Variants in NT5DC3 observed in about 807,000 individuals in gnomAD.
The protein encoded by NT5DC3 is 5'-nucleotidase domain-containing protein 3.
NT5DC3 carries 42 observed loss-of-function variants against 67.8 expected under a neutral mutation model. That is an observed-to-expected ratio of 0.62 (90% CI 0.48 to 0.80). The LOEUF is 0.80. Among genes scored for constraint, NT5DC3 ranks in the 30% least tolerant of loss-of-function variants. The pLI is 0.00. For synonymous variants in NT5DC3, 237 were observed against 255.6 expected (o/e 0.93, Z 0.69); for missense variants, 570 against 696.4 (o/e 0.82, Z 2.04).
At chr12:103,782,958 C>G (rs1885619750) in intron 12 of NT5DC3, among the ~76,000 whole-genome samples, 2 of 152,164 alleles carry the variant, frequency 1.3e-5, no homozygotes, top group African/African-American at 4.8e-5. Flanking sequence ...TGCACTCCAG[C>G]CTGGGCGACA....
chr12:103,823,822 C>A (rs17034637), intron 1 of NT5DC3, among the ~76,000 whole-genome samples: 15,424 of 152,226 alleles, frequency 0.1, 1,120 homozygotes, highest in East Asian at 0.29. Context: ...TACAGGTGAA[C>A]TCAAGGTCCT....
chr12:103,751,848 A>C, the NT5DC3 span, among the ~76,000 whole-genome samples: 1 of 152,226 alleles, frequency 6.6e-6, no homozygotes, highest in East Asian at 1.9e-4. Flanking sequence ...TGGCAGTGAT[A>C]CTAAGTGACT....
the NT5DC3 span, among the ~76,000 whole-genome samples, chr12:103,765,250 T>C: frequency 6.3e-3 from 956 of 152,312 alleles, 13 homozygotes; most frequent in African/African-American, 0.022. Context: ...TGTCCCCTTC[T>C]GAGGGCTCTA....
chr12:103,785,409 T>C lies in NT5DC3; in HGVS notation c.1255A>G (p.Ile419Val), dbSNP rs768470733. 17 of 1,613,978 alleles carry C rather than the reference T, an allele frequency of 1.1e-5. No individual in the cohort carries two copies. The highest frequency in any genetic ancestry group is 6.7e-5 in the Admixed American group (4 of 59,998). ...TGAATGTATTGCTCCGTGTTCATGA[T>C]TTTGAGCTCAGATCTCAACTCTGGG... ...IIPELRSELK[I>V]MNTEQYIQTM... Residue 419 changes from isoleucine (I) to valine (V), a missense_variant, in exon 12 of 14, where the codon ATC (isoleucine) becomes GTC (valine). By Grantham distance (29) the Ile-to-Val change is conservative. Around this residue, in one of 2 missense-constraint regions of NT5DC3, gnomAD observed 466 missense variants for 608.0 expected, o/e 0.77. Transcript: ENST00000392876.
At chr12:103,786,682 T>TC in intron 11 of NT5DC3, among the ~76,000 whole-genome samples, 1 of 50,944 alleles carries the variant, frequency 2.0e-5, no homozygotes, top group Non-Finnish European at 3.5e-5. Flanking sequence ...ACTGGTTTGA[T>TC]TTTTTTTTTT....
Position 103,774,035 on chromosome 12 carries a change from G to A in NT5DC3, c.*3794C>T, listed in dbSNP as rs931483167. 4 of 152,214 alleles carry A rather than the reference G, an allele frequency of 2.6e-5. No individual in the cohort carries two copies. The highest frequency in any genetic ancestry group is 7.2e-5 in the African/African-American group (3 of 41,438). The allele number at this position is 152,214 out of a possible 1,614,324, so 9.4% of individuals were successfully genotyped here. On this transcript the variant is annotated 3_prime_UTR_variant, in exon 14 of 14. Transcript: ENST00000392876. ...GCACTATGTTAGGGGGAAAGTGGGA[G>A]CTCTAAGCCAAACAACTAAAGTATT...
chr12:103,793,360 G>T, intron 8 of NT5DC3, 50 bp downstream of exon 8: 1 of 1,560,300 alleles, frequency 6.4e-7, no homozygotes, highest in Non-Finnish European at 8.8e-7. Flanking sequence ...AAAACAAATG[G>T]GATACAAGGA....
At position 103,780,309 on chromosome 12, in the gene NT5DC3, T is replaced by C; in HGVS notation, c.1385A>G (p.Lys462Arg). 1.2e-6 allele frequency: 2 copies of C among 1,613,722 alleles called. No individual in the cohort carries two copies. The highest frequency in any genetic ancestry group is 1.7e-4 in the Middle Eastern group (1 of 6,060). ...LVLQEWKKER[K>R]EMREMTKSFF... is the part of the protein sequence containing the mutation. Reference sequence around the variant, plus strand: ...TACAGGCCTCTCTTACCGCATCTCCTTCCTTTCCTTTTTCCACTCCTGCAA... The same window carrying C: ...TACAGGCCTCTCTTACCGCATCTCCCTCCTTTCCTTTTTCCACTCCTGCAA... Residue 462 changes from lysine to arginine, a missense_variant, in exon 13 of 14, where the codon AAG (lysine) becomes AGG (arginine). Around this residue, in one of 2 missense-constraint regions of NT5DC3, gnomAD observed 466 missense variants for 608.0 expected, o/e 0.77. Coordinates refer to ENST00000392876, the MANE Select transcript of NT5DC3 (RefSeq NM_001031701.3).
At chr12:103,788,605 C>A (rs1885899118) in intron 10 of NT5DC3, among the ~76,000 whole-genome samples, 1 of 152,094 alleles carries the variant, frequency 6.6e-6, no homozygotes, top group South Asian at 2.1e-4. Context: ...CTATGAAAGT[C>A]ATGCCTTAAA....
chr12:103,782,302 A>G lies in NT5DC3; in HGVS notation c.1330-1938T>C, dbSNP rs140740956. On this transcript the variant is annotated intron_variant, in intron 12 of 13. Coordinates refer to ENST00000392876, the MANE Select transcript of NT5DC3 (RefSeq NM_001031701.3). ...AGAATCACTTGAGCCTGGGAGGCAG[A>G]GGCTGCAGTGAGCTGAGATCATGCC... Among the ~76,000 whole-genome samples, 144 of 152,346 alleles carry G rather than the reference A, an allele frequency of 9.5e-4. 1 individual carries two copies. The highest frequency in any genetic ancestry group is 3.1e-3 in the African/African-American group (130 of 41,582).
intron 1 of NT5DC3, among the ~76,000 whole-genome samples, chr12:103,832,247 C>T (rs1887963890): frequency 6.6e-6 from 1 of 151,946 alleles, no homozygotes; most frequent in Admixed American, 6.6e-5. Flanking sequence ...TCCAAAAGAA[C>T]TCTTGACGGT....
chr12:103,837,048 G>A (rs189321231), intron 1 of NT5DC3, among the ~76,000 whole-genome samples: 32 of 152,312 alleles, frequency 2.1e-4, no homozygotes, highest in Middle Eastern at 3.4e-3. Flanking sequence ...ACTTTTGCCC[G>A]GGCATCCAGG....
intron 1 of NT5DC3, among the ~76,000 whole-genome samples, chr12:103,824,961 T>C (rs1179248425): frequency 6.6e-6 from 1 of 152,028 alleles, no homozygotes; most frequent in South Asian, 2.1e-4. Context: ...TGCCAGACAG[T>C]GCACAGGGCA....
At chr12:103,795,082 ACCTCAAT>A (rs1772786819) in intron 6 of NT5DC3, among the ~76,000 whole-genome samples, 1 of 152,158 alleles carries the variant, frequency 6.6e-6, no homozygotes, top group African/African-American at 2.4e-5. Flanking sequence ...TGCAATCTCA[ACCTCAAT>A]TACCTTTCAG....
At chr12:103,767,058 C>T (rs1885010775), downstream of NT5DC3, 2 of 152,028 alleles carry the variant, frequency 1.3e-5, no homozygotes, top group Non-Finnish European at 2.9e-5. Flanking sequence ...TACCATATGA[C>T]CCAAAAATGC....
chr12:103,807,190 T>C (rs1279182901), intron 2 of NT5DC3, among the ~76,000 whole-genome samples: 2 of 152,128 alleles, frequency 1.3e-5, no homozygotes, highest in Non-Finnish European at 2.9e-5. Flanking sequence ...CCCTGCCAAC[T>C]TCTCTCAACT....
chr12:103,783,380 AC>A (rs1459928760), intron 12 of NT5DC3, among the ~76,000 whole-genome samples: 1 of 152,142 alleles, frequency 6.6e-6, no homozygotes, highest in Non-Finnish European at 1.5e-5. Context: ...CACCAGCATC[AC>A]CCCTCACTAG....
chr12:103,827,532 G>A (rs530137814), intron 1 of NT5DC3, among the ~76,000 whole-genome samples: 147 of 152,198 alleles, frequency 9.7e-4, no homozygotes, highest in Middle Eastern at 3.4e-3. Flanking sequence ...TTTTCTGCTC[G>A]AATGAGAACA....
At chr12:103,793,533 C>A (rs1313093138) in intron 7 of NT5DC3, 21 bp from the exon 8 acceptor site, 1 of 1,542,844 alleles carries the variant, frequency 6.5e-7, no homozygotes, top group South Asian at 1.1e-5. Flanking sequence ...GAGAAAAATT[C>A]ACACACAGAT....
Sources: allele counts gnomAD v4.1 joint callset (sites outside exome capture counted in the v4.1 genomes callset), GRCh38; gene constraint gnomAD v4.1.1; regional missense constraint gnomAD v4.1.1; transcripts MANE v1.5; gene names NCBI Gene and HGNC (gene_info 2026-07-23, HGNC 2026-07-21).